Variants in TOP3A observed in about 807,000 individuals in gnomAD.
TOP3A encodes the protein DNA topoisomerase III alpha, also known as DNA topoisomerase 3-alpha.
TOP3A carries 64 observed loss-of-function variants against 111.3 expected under a neutral mutation model. The ratio of observed to expected loss-of-function variants is 0.57; its 90% CI spans 0.47 to 0.71. The LOEUF (loss-of-function observed/expected upper bound fraction) is 0.71. TOP3A is among the 30% of genes least tolerant of loss of function. The probability of loss-of-function intolerance (pLI) is 0.00; values close to 1 mark genes in which losing one functional copy is unlikely to be tolerated. For missense variants in TOP3A, 1,104 were observed against 1,285.0 expected (o/e 0.86, Z 2.15); for synonymous variants, 484 against 485.1 (o/e 1.00, Z 0.03).
intron 1 of TOP3A, chr17:18,311,942 C>CT (rs1323223101): frequency 6.6e-6 from 1 of 152,356 alleles, no homozygotes; most frequent in Non-Finnish European, 1.5e-5. Context: ...AGAAGTGGCC[C>CT]TGGCCCCTGT....
At chr17:18,275,647 C>A (rs1412342321) in intron 18 of TOP3A, among the ~76,000 whole-genome samples, 1 of 149,942 alleles carries the variant, frequency 6.7e-6, no homozygotes, top group East Asian at 2.0e-4. Context: ...CAGGCGTGAG[C>A]CACCGTGCCC....
Position 18,285,229 on chromosome 17 carries a change from TCA to T in TOP3A, c.1788_1789del (p.Cys596Ter). The T allele has an allele frequency of 6.2e-7, 1 of 1,614,222 alleles. No homozygotes were observed. The highest frequency in any genetic ancestry group is 8.5e-7 in the Non-Finnish European group (1 of 1,180,040). On this transcript the variant is annotated stop_gained and frameshift_variant, in exon 15 of 19. Transcript: ENST00000321105. LOFTEE classifies it high-confidence loss of function. ...AACCACAAATTTGTCCTTTTTGCCA[TCA>T]CAGATCAGCTTCAGATCAGCTTCCA...
At chr17:18,306,762 T>G in intron 4 of TOP3A, 129 bp downstream of exon 4, 1 of 684,188 alleles carries the variant, frequency 1.5e-6, no homozygotes, top group Non-Finnish European at 2.5e-6. Flanking sequence ...GGGAACCAGC[T>G]TTTTAAATCA....
At chr17:18,300,400 A>G (rs1049221547) in intron 8 of TOP3A, among the ~76,000 whole-genome samples, 3 of 148,366 alleles carry the variant, frequency 2.0e-5, no homozygotes, top group African/African-American at 4.9e-5. Flanking sequence ...CTCGGGGGAG[A>G]AAAAAAAAAG....
intron 1 of TOP3A, 106 bp from the exon 2 acceptor site, chr17:18,309,047 T>C (rs912149001): frequency 1.4e-5 from 8 of 586,592 alleles, no homozygotes; most frequent in East Asian, 9.7e-5. Flanking sequence ...TTGGTTATGA[T>C]ACCAAAAATA....
chr17:18,313,872 A>G (rs3794771), intron 1 of TOP3A, among the ~76,000 whole-genome samples: 54,773 of 152,074 alleles, frequency 0.36, 10,876 homozygotes, highest in African/African-American at 0.52. Context: ...AGTTCTCCAG[A>G]AAACCATTTC....
At chr17:18,282,672 G>C (rs764690376) in intron 16 of TOP3A, 26 bp downstream of exon 16, 1 of 1,612,260 alleles carries the variant, frequency 6.2e-7, no homozygotes, top group Non-Finnish European at 8.5e-7. Flanking sequence ...GGGAGCAGAG[G>C]TGGGGGCAGA....
At chr17:18,292,996 G>T in intron 10 of TOP3A, 144 bp from the exon 11 acceptor site, 1 of 757,868 alleles carries the variant, frequency 1.3e-6, no homozygotes, top group Non-Finnish European at 2.0e-6. Context: ...ACCTGCTTCA[G>T]AAAAGTTCTG....
intron 4 of TOP3A, 120 bp from the exon 5 acceptor site, chr17:18,305,340 C>G (rs1981493387): frequency 1.2e-6 from 1 of 800,604 alleles, no homozygotes; most frequent in South Asian, 1.5e-5. Flanking sequence ...GACAACTTGG[C>G]AAGGGAAAGA....
chr17:18,308,218 T>A, intron 3 of TOP3A, 133 bp downstream of exon 3: 1 of 439,276 alleles, frequency 2.3e-6, no homozygotes, highest in Non-Finnish European at 3.7e-6. Flanking sequence ...AAACTTTGTC[T>A]CCAACAAAAA....
At position 18,308,292 on chromosome 17, in the gene TOP3A, C is replaced by CT. The variant is rs768213297; in HGVS notation, c.314+58dup. 20 of 978,834 alleles carry CT rather than the reference C, an allele frequency of 2.0e-5. No homozygotes were observed. In the African/African-American group the frequency reaches 2.9e-4, roughly 14 times the overall value. The allele number at this position is 978,834 out of a possible 1,614,324, so 60.6% of individuals were successfully genotyped here. A position where few individuals can be genotyped will look rare whatever the true frequency, so the allele number is the denominator to read the frequency against. Reference sequence around the variant, plus strand: ...GTAAGATCAACATGCCTCAAAATTCCTGTGAAATTTCACAACTTACTATAA... The same window carrying CT: ...GTAAGATCAACATGCCTCAAAATTCCTTGTGAAATTTCACAACTTACTATAA... On this transcript the variant is annotated intron_variant, in intron 3 of 18. Coordinates refer to ENST00000321105, the MANE Select transcript of TOP3A (RefSeq NM_004618.5).
chr17:18,295,394 C>T (rs539413886), intron 9 of TOP3A, among the ~76,000 whole-genome samples: 35 of 143,220 alleles, frequency 2.4e-4, no homozygotes, highest in Admixed American at 1.1e-3. Flanking sequence ...GTGATCTGCC[C>T]GCCTCGGCCT....
rs920208429 is a variant in TOP3A at position 18,294,790 on chromosome 17, G to A, written c.991-5C>T. The A allele has an allele frequency of 3.1e-6, 5 of 1,609,536 alleles. No homozygotes were observed. Among genetic ancestry groups the A allele is most frequent in the African/African-American group, 1.3e-5 (1 of 74,820 alleles). ...AGAAGCCAGCTTCTCAAGCTCCTGT[G>A]AAATGGGTCAACAGGCATGTTAGGT... On this transcript the variant is annotated splice_polypyrimidine_tract_variant and splice_region_variant and intron_variant, in intron 9 of 18. Coordinates refer to ENST00000321105, the MANE Select transcript of TOP3A (RefSeq NM_004618.5).
Position 18,280,523 on chromosome 17 carries a change from G to A in TOP3A, c.2144+13C>T. On this transcript the variant is annotated intron_variant, in intron 17 of 18. Transcript: ENST00000321105. ...ACTCCAGAGGAGGCACCTGACTCAG[G>A]TGCCCAGCTCACCTGTACACAGGGT... 6.2e-7 allele frequency: 1 copy of A among 1,612,364 alleles called. No individual in the cohort carries two copies. Among genetic ancestry groups the A allele is most frequent in the Non-Finnish European group, 8.5e-7 (1 of 1,179,090 alleles).
chr17:18,305,654 C>G (rs1484498445), intron 4 of TOP3A, among the ~76,000 whole-genome samples: 1 of 151,650 alleles, frequency 6.6e-6, no homozygotes, highest in Non-Finnish European at 1.5e-5. Flanking sequence ...CTGGTTAACA[C>G]GGTGAAACCC....
intron 6 of TOP3A, 68 bp from the exon 7 acceptor site, chr17:18,302,502 A>C: frequency 5.6e-6 from 9 of 1,595,628 alleles, no homozygotes; most frequent in Non-Finnish European, 7.7e-6. Flanking sequence ...CTGGCTGCAC[A>C]TATCGACACA....
At chr17:18,311,745 A>G (rs1042608693) in intron 1 of TOP3A, among the ~76,000 whole-genome samples, 2 of 152,258 alleles carry the variant, frequency 1.3e-5, no homozygotes, top group African/African-American at 4.8e-5. Context: ...CGCACATCCC[A>G]TTATTTAACT....
intron 3 of TOP3A, among the ~76,000 whole-genome samples, chr17:18,308,027 C>A (rs1228399907): frequency 6.6e-6 from 1 of 150,788 alleles, no homozygotes; most frequent in African/African-American, 2.4e-5. Flanking sequence ...GCCTGGTCAA[C>A]ATGGTGAAAC....
At chr17:18,306,998 C>G in intron 3 of TOP3A, 32 bp from the exon 4 acceptor site, 3 of 1,493,242 alleles carry the variant, frequency 2.0e-6, no homozygotes, top group Non-Finnish European at 2.8e-6. Context: ...AGTCCCAACT[C>G]AGTACATGAC....
Sources: gnomAD v4.1 joint callset for allele counts (sites outside exome capture counted in the v4.1 genomes callset) on GRCh38, gnomAD v4.1.1 for gene constraint, MANE v1.5 for transcripts, NCBI Gene and HGNC (gene_info 2026-07-23, HGNC 2026-07-21) for gene names.